Variants in GALNT7 observed in about 807,000 individuals in gnomAD.
GALNT7 encodes N-acetylgalactosaminyltransferase 7.
GALNT7 carries 60 observed loss-of-function variants against 82.1 expected under a neutral mutation model. The ratio of observed to expected loss-of-function variants is 0.73; its 90% confidence interval spans 0.59 to 0.91. GALNT7 has a LOEUF of 0.91. Among genes scored for constraint, GALNT7 ranks in the 40% least tolerant of loss-of-function variants. The pLI is 0.00. For synonymous variants in GALNT7, 243 were observed against 275.1 expected, an observed-to-expected ratio of 0.88 and a Z score of 1.15; for missense variants, 660 against 804.2, an observed-to-expected ratio of 0.82 and a Z score of 2.17.
intron 1 of GALNT7, among the ~76,000 whole-genome samples, chr4:173,210,263 C>T (rs563143135): frequency 6.6e-6 from 1 of 152,218 alleles, no homozygotes; most frequent in East Asian, 1.9e-4. Context: ...GCCAAGAAAC[C>T]TATGCTTCGG....
chr4:173,211,041 T>G (rs1422069146), intron 1 of GALNT7, among the ~76,000 whole-genome samples: 1 of 152,336 alleles, frequency 6.6e-6, no homozygotes, highest in South Asian at 2.1e-4. Context: ...ATTCTTTTTT[T>G]TTTCCATTTG....
At chr4:173,234,251 C>A (rs1317645104) in intron 1 of GALNT7, among the ~76,000 whole-genome samples, 1 of 152,178 alleles carries the variant, frequency 6.6e-6, no homozygotes, top group Admixed American at 6.5e-5. Context: ...GATCCAAGAT[C>A]CTCTCCTTTT....
At chr4:173,253,759 C>A (rs1371113972) in intron 2 of GALNT7, among the ~76,000 whole-genome samples, 1 of 152,168 alleles carries the variant, frequency 6.6e-6, no homozygotes, top group Admixed American at 6.5e-5. Flanking sequence ...AGCTCGTTTA[C>A]CTGAACTGGT....
At chr4:173,237,865 T>G (rs1561167791) in intron 1 of GALNT7, among the ~76,000 whole-genome samples, 4 of 152,132 alleles carry the variant, frequency 2.6e-5, no homozygotes. Flanking sequence ...GTCTTAGCTC[T>G]TCTAGGTACT....
intron 8 of GALNT7, 32 bp downstream of exon 8, chr4:173,304,150 G>A: frequency 3.8e-6 from 6 of 1,598,416 alleles, no homozygotes; most frequent in Non-Finnish European, 5.1e-6. Context: ...GGAGGACAGG[G>A]AACTAACATT....
At chr4:173,283,113 A>G (rs1355428353) in intron 2 of GALNT7, among the ~76,000 whole-genome samples, 2 of 152,220 alleles carry the variant, frequency 1.3e-5, no homozygotes, top group African/African-American at 2.4e-5. Flanking sequence ...AAAATCACTA[A>G]TGAGACTAGA....
intron 1 of GALNT7, among the ~76,000 whole-genome samples, chr4:173,198,329 A>G (rs1732842961): frequency 6.6e-6 from 1 of 151,396 alleles, no homozygotes; most frequent in South Asian, 2.1e-4. Flanking sequence ...CGGTCTCCCA[A>G]GGTGCTGGGA....
chr4:173,269,035 A>G (rs1454290521), intron 2 of GALNT7, among the ~76,000 whole-genome samples: 1 of 152,202 alleles, frequency 6.6e-6, no homozygotes, highest in Non-Finnish European at 1.5e-5. Flanking sequence ...CAAAATGCCC[A>G]GTACCCCATT....
rs1006350986 is a variant in GALNT7 at position 173,188,422 on chromosome 4, T to C, written c.126+19461T>C. Among the ~76,000 whole-genome samples, 11 of 152,218 alleles carry C rather than the reference T, an allele frequency of 7.2e-5. No individual in the cohort carries two copies. In the East Asian group the frequency reaches 1.9e-3, roughly 27 times the overall value. On this transcript the variant is annotated intron_variant, in intron 1 of 11. Transcript: ENST00000265000. ...GTTTTGGGCCAGTAAGGTTGATAAG[T>C]GTTGCATATTGTATCACCCCCTCAG...
intron 2 of GALNT7, among the ~76,000 whole-genome samples, chr4:173,249,766 G>T (rs1460494942): frequency 6.6e-6 from 1 of 152,040 alleles, no homozygotes; most frequent in Non-Finnish European, 1.5e-5. Context: ...TTTTAACTCG[G>T]TGTTCTGTGT....
chr4:173,244,662 G>A (rs1734555371), intron 1 of GALNT7, among the ~76,000 whole-genome samples: 1 of 152,188 alleles, frequency 6.6e-6, no homozygotes, highest in African/African-American at 2.4e-5. Context: ...AGGACACAGT[G>A]TTTACCATCA....
chr4:173,301,924 T>G, intron 6 of GALNT7, 123 bp from the exon 7 acceptor site: 1 of 600,456 alleles, frequency 1.7e-6, no homozygotes, highest in Non-Finnish European at 3.0e-6. Flanking sequence ...TTCTTAATGT[T>G]TGGCCATCAG....
At chr4:173,288,167 C>T (rs958508784) in intron 2 of GALNT7, among the ~76,000 whole-genome samples, 1 of 150,314 alleles carries the variant, frequency 6.7e-6, no homozygotes. Context: ...CCTGTAGTCC[C>T]AGCTACTCGG....
chr4:173,280,966 G>C (rs535974542), intron 2 of GALNT7, among the ~76,000 whole-genome samples: 2 of 152,290 alleles, frequency 1.3e-5, no homozygotes, highest in African/African-American at 4.8e-5. Context: ...ATGAAAGCTT[G>C]TAATTGAAGG....
rs759099342 is a variant in GALNT7, at chr4:173,318,519, A to C, written c.1796A>C (p.His599Pro). The part of the protein sequence containing the change: ...GADGSKVMIT[H>P]CNLNEFKEWQ... The stretch of plus-strand genomic sequence containing the variant: ...GATGGATCAAAAGTTATGATTACAC[A>C]CTGTAATCTAAATGAATTTAAGGAA... Residue 599 changes from histidine to proline, a missense_variant, in exon 11 of 12, where the codon CAC (histidine) becomes CCC (proline). Physicochemically the swap from His to Pro is moderately conservative, Grantham distance 77. Around this residue, in one of 2 missense-constraint regions of GALNT7, gnomAD observed 527 missense variants for 683.5 expected, o/e 0.77. Coordinates refer to ENST00000265000, the MANE Select transcript of GALNT7 (RefSeq NM_017423.3). 6.4e-7 allele frequency: 1 copy of C among 1,555,654 alleles called. No individual in the cohort carries two copies. Among genetic ancestry groups the C allele is most frequent in the South Asian group, 1.1e-5 (1 of 89,420 alleles).
At chr4:173,299,205 G>A (rs953429357) in intron 6 of GALNT7, among the ~76,000 whole-genome samples, 2 of 152,152 alleles carry the variant, frequency 1.3e-5, no homozygotes, top group African/African-American at 4.8e-5. Context: ...ATTTGGGCAT[G>A]TCATGATATC....
chr4:173,204,961 G>A (rs556178340), intron 1 of GALNT7, among the ~76,000 whole-genome samples: 2 of 152,332 alleles, frequency 1.3e-5, no homozygotes, highest in South Asian at 4.1e-4. Flanking sequence ...TTCTGGGGAA[G>A]CCTTTCACCA....
intron 1 of GALNT7, among the ~76,000 whole-genome samples, chr4:173,191,679 G>T (rs912554375): frequency 1.3e-5 from 2 of 152,198 alleles, no homozygotes; most frequent in African/African-American, 4.8e-5. Flanking sequence ...CAGTCTTGAG[G>T]AGTGTCTTGC....
At chr4:173,235,915 C>A (rs1734210821) in intron 1 of GALNT7, among the ~76,000 whole-genome samples, 1 of 152,158 alleles carries the variant, frequency 6.6e-6, no homozygotes, top group Non-Finnish European at 1.5e-5. Flanking sequence ...TCTTACAGCA[C>A]CATGTTTATA....
Sources: gnomAD v4.1 joint callset for allele counts (sites outside exome capture counted in the v4.1 genomes callset) on GRCh38, gnomAD v4.1.1 for gene constraint, gnomAD v4.1.1 regional missense constraint, MANE v1.5 for transcripts, NCBI Gene and HGNC (gene_info 2026-07-23, HGNC 2026-07-21) for gene names.